Variants in CEP112 observed in about 807,000 individuals in gnomAD.
CEP112 encodes centrosomal protein 112.
CEP112 carries 127 observed loss-of-function variants against 153.0 expected under a neutral mutation model. The observed-to-expected ratio is 0.83, with a 90% CI of 0.72 to 0.96. CEP112 has a LOEUF of 0.96. CEP112 is among the 40% of genes least tolerant of loss of function. The pLI is 0.00. For synonymous variants in CEP112, 358 were observed against 374.4 expected, an observed-to-expected ratio of 0.96 and a Z score of 0.51; for missense variants, 1,089 against 1,101.2, an observed-to-expected ratio of 0.99 and a Z score of 0.16.
intron 24 of CEP112, among the ~76,000 whole-genome samples, chr17:65,647,682 T>G (rs1182579588): frequency 6.6e-6 from 1 of 150,700 alleles, no homozygotes; most frequent in Non-Finnish European, 1.5e-5. Flanking sequence ...AGTTTCTCAC[T>G]ATGTTGCCTA....
At chr17:65,718,495 TTACAA>T (rs2049682471) in intron 23 of CEP112, among the ~76,000 whole-genome samples, 1 of 152,158 alleles carries the variant, frequency 6.6e-6, no homozygotes, top group Non-Finnish European at 1.5e-5. Flanking sequence ...ACTCATCCCA[TTACAA>T]TACTATGTTT....
intron 16 of CEP112, among the ~76,000 whole-genome samples, chr17:66,026,756 C>T (rs2065229272): frequency 6.6e-6 from 1 of 152,174 alleles, no homozygotes; most frequent in South Asian, 2.1e-4. Flanking sequence ...CTCATAATAA[C>T]TTATATAGTA....
intron 17 of CEP112, among the ~76,000 whole-genome samples, chr17:65,985,199 T>C (rs2063361643): frequency 6.6e-6 from 1 of 152,134 alleles, no homozygotes. Context: ...CATGTCTAAG[T>C]GTTGAAAGGA....
chr17:65,781,294 G>A (rs373531684), intron 21 of CEP112, among the ~76,000 whole-genome samples: 56 of 151,976 alleles, frequency 3.7e-4, no homozygotes, highest in Middle Eastern at 3.4e-3. Flanking sequence ...AAATAGGAGG[G>A]GAAAGATCTC....
At position 66,190,986 on chromosome 17, in the gene CEP112, A is replaced by G. The variant is rs117780182; in HGVS notation, c.-9+1011T>C. ...GAAAACTGGAAACGTCGACAAATTA[A>G]AAAGGATTAGAGGTGCACGTTTTCT... On this transcript the variant is annotated intron_variant, in intron 1 of 26. Transcript: ENST00000535342. Among the ~76,000 whole-genome samples the G allele has an allele frequency of 2.2e-4, 33 of 152,338 alleles. No homozygotes were observed. The East Asian group carries it at 6.2e-3, about 28-fold the overall frequency.
At chr17:65,956,395 T>C (rs2062001422) in intron 18 of CEP112, among the ~76,000 whole-genome samples, 1 of 149,522 alleles carries the variant, frequency 6.7e-6, no homozygotes, top group African/African-American at 2.5e-5. Context: ...TTATGATATA[T>C]ATACATACAT....
At position 66,057,758 on chromosome 17, in the gene CEP112, T is replaced by TACAC. The variant is rs71160526; in HGVS notation, c.1075-3883_1075-3880dup. Among the ~76,000 whole-genome samples, 336 of 142,482 alleles carry TACAC rather than the reference T, an allele frequency of 2.4e-3. 1 individual carries two copies. Among genetic ancestry groups the TACAC allele is most frequent in the African/African-American group, 8.3e-3 (315 of 37,940 alleles). 93.5% of individuals were successfully genotyped at this position (142,482 alleles called of 152,430 possible). The stretch of plus-strand genomic sequence containing the variant: ...AGCCCAGATTTACATAAAATTACTC[T>TACAC]ACACACACACACACACACACACACA... On this transcript the variant is annotated intron_variant, in intron 11 of 26. Transcript: ENST00000535342.
At position 65,780,878 on chromosome 17, in the gene CEP112, C is replaced by A. The variant is rs186070560; in HGVS notation, c.2395-30154G>T. Among the ~76,000 whole-genome samples, 6 of 152,030 alleles carry A rather than the reference C, an allele frequency of 3.9e-5. No individual in the cohort carries two copies. In the South Asian group the frequency reaches 1.2e-3, roughly 32 times the overall value. ...AAGCTTTGAATCTAGGCATTAGATG[C>A]CCCAATTTGGCATGCTCATAATGTC... On this transcript the variant is annotated intron_variant, in intron 21 of 26. Transcript: ENST00000535342.
At chr17:65,650,153 T>C (rs1188790917) in intron 24 of CEP112, among the ~76,000 whole-genome samples, 1 of 152,192 alleles carries the variant, frequency 6.6e-6, no homozygotes, top group Admixed American at 6.5e-5. Flanking sequence ...TTGTTTTTTC[T>C]CTAATTCTTC....
At chr17:65,937,491 C>T (rs1599073941) in intron 18 of CEP112, among the ~76,000 whole-genome samples, 2 of 132,568 alleles carry the variant, frequency 1.5e-5, no homozygotes, top group South Asian at 3.0e-4. Flanking sequence ...TGAGGAGACC[C>T]TCTGCCTGGC....
intron 21 of CEP112, among the ~76,000 whole-genome samples, chr17:65,784,122 C>A (rs761022638): frequency 8.5e-5 from 13 of 152,048 alleles, no homozygotes; most frequent in Middle Eastern, 3.2e-3. Context: ...GTTCTTTATG[C>A]GTGAGAAAAT....
At chr17:66,161,393 T>G (rs751882716) in intron 4 of CEP112, among the ~76,000 whole-genome samples, 1 of 152,194 alleles carries the variant, frequency 6.6e-6, no homozygotes, top group Non-Finnish European at 1.5e-5. Flanking sequence ...GTATGTTTAT[T>G]TCTGCACTGT....
chr17:65,764,157 C>T (rs1188053817), intron 21 of CEP112, among the ~76,000 whole-genome samples: 1 of 152,078 alleles, frequency 6.6e-6, no homozygotes, highest in Non-Finnish European at 1.5e-5. Context: ...AGGTGGTTAT[C>T]TCCCTTCCCC....
At chr17:66,183,732 T>C (rs1271331191) in intron 1 of CEP112, among the ~76,000 whole-genome samples, 3 of 151,994 alleles carry the variant, frequency 2.0e-5, no homozygotes, top group Non-Finnish European at 4.4e-5. Context: ...ATGACAGTTA[T>C]TACAACAAAT....
At chr17:66,168,943 T>G (rs1218828261) in intron 4 of CEP112, among the ~76,000 whole-genome samples, 1 of 152,144 alleles carries the variant, frequency 6.6e-6, no homozygotes, top group Admixed American at 6.6e-5. Flanking sequence ...CTGCATGGTG[T>G]GGCATGCCTC....
At chr17:65,788,565 T>C (rs1598587730) in intron 21 of CEP112, among the ~76,000 whole-genome samples, 1 of 152,196 alleles carries the variant, frequency 6.6e-6, no homozygotes, top group Non-Finnish European at 1.5e-5. Context: ...AAATGCTATA[T>C]TTATTTAATT....
Position 66,126,751 on chromosome 17 carries a change from T to A in CEP112, c.642+2995A>T, listed in dbSNP as rs749528207. Among the ~76,000 whole-genome samples the A allele has an allele frequency of 2.6e-5, 4 of 152,260 alleles. No homozygotes were observed. The East Asian group carries it at 7.7e-4, about 29-fold the overall frequency. On this transcript the variant is annotated intron_variant, in intron 6 of 26. Coordinates refer to ENST00000535342, the MANE Select transcript of CEP112 (RefSeq NM_001199165.4). ...ATTTCTGGGAAAATAAAGAATATAT[T>A]TGGGAAAAATTTGATTTTTTAACAA...
intron 8 of CEP112, among the ~76,000 whole-genome samples, chr17:66,079,649 A>G (rs2067641257): frequency 6.6e-6 from 1 of 152,192 alleles, no homozygotes; most frequent in South Asian, 2.1e-4. Flanking sequence ...ACAGAATTAG[A>G]AAAAACTACT....
chr17:66,062,191 A>G (rs568472562), intron 11 of CEP112, among the ~76,000 whole-genome samples: 73 of 151,608 alleles, frequency 4.8e-4, no homozygotes, highest in African/African-American at 1.5e-3. Context: ...GCAGTTCTTT[A>G]TAACAGTATG....
Sources: allele counts gnomAD v4.1 joint callset (sites outside exome capture counted in the v4.1 genomes callset), GRCh38; gene constraint gnomAD v4.1.1; transcripts MANE v1.5; gene names NCBI Gene and HGNC (gene_info 2026-07-23, HGNC 2026-07-21).